Variants in B3GLCT observed in about 807,000 individuals in gnomAD.
The protein encoded by B3GLCT is beta-1,3-glucosyltransferase.
A neutral mutation model predicts 63.4 loss-of-function variants in B3GLCT; 65 were observed. The ratio of observed to expected loss-of-function variants is 1.03; its 90% CI spans 0.84 to 1.26. The LOEUF (loss-of-function observed/expected upper bound fraction) is 1.26. Ranked by LOEUF, B3GLCT falls within the 50% of genes most tolerant of loss-of-function variation. The probability of loss-of-function intolerance (pLI) is 0.00; values close to 1 mark genes in which losing one functional copy is unlikely to be tolerated. For missense variants in B3GLCT, 577 were observed against 604.8 expected (o/e 0.95, Z 0.48); for synonymous variants, 233 against 219.2 (o/e 1.06, Z -0.55).
intron 12 of B3GLCT, among the ~76,000 whole-genome samples, chr13:31,304,505 A>C (rs1235099911): frequency 1.3e-5 from 1 of 76,194 alleles, no homozygotes; most frequent in South Asian, 5.4e-4. Flanking sequence ...AATGGAAAAC[A>C]AAAAAAGGCA....
In B3GLCT at chr13:31,321,820, A is replaced by G. The variant is rs564897522; in HGVS notation, c.1185-1931A>G. On this transcript the variant is annotated intron_variant, in intron 13 of 14. Transcript: ENST00000343307. ...TCCATGAAAGTTTTGGTACTTGGAG[A>G]AAATAAATTGAATGACCATTTTTTT... Among the ~76,000 whole-genome samples, 7 of 125,896 alleles carry G rather than the reference A, an allele frequency of 5.6e-5. 1 individual carries two copies. In the South Asian group the frequency reaches 9.4e-4, roughly 17 times the overall value. The allele number at this position is 125,896 out of a possible 152,430, so 82.6% of individuals were successfully genotyped here.
intron 12 of B3GLCT, among the ~76,000 whole-genome samples, chr13:31,314,023 A>G (rs1356326393): frequency 6.6e-6 from 1 of 152,196 alleles, no homozygotes; most frequent in Non-Finnish European, 1.5e-5. Context: ...GGCAGCTTCC[A>G]TGTGGTGTTG....
intron 13 of B3GLCT, among the ~76,000 whole-genome samples, chr13:31,320,970 G>A (rs1875302726): frequency 6.6e-6 from 1 of 152,174 alleles, no homozygotes; most frequent in Non-Finnish European, 1.5e-5. Context: ...CATTTCTAAT[G>A]TACTTTCATA....
intron 4 of B3GLCT, 72 bp from the exon 5 acceptor site, chr13:31,246,951 C>CTTTTTTTTTTT (rs66466340): frequency 3.5e-4 from 269 of 779,536 alleles, no homozygotes; most frequent in South Asian, 9.6e-4. Context: ...CTTTTCTTTT[C>CTTTTTTTTTTT]TTTTTTTTTT....
rs551586241 is a variant in B3GLCT, at chr13:31,271,712, T to G, written c.660+2435T>G. On this transcript the variant is annotated intron_variant, in intron 8 of 14. Coordinates refer to ENST00000343307, the MANE Select transcript of B3GLCT (RefSeq NM_194318.4). Reference sequence around the variant, plus strand: ...TATTAATGATGCTTTTCAGATATTTTCTTCTTTACTTCATTGCTTCAATCC... The same window carrying G: ...TATTAATGATGCTTTTCAGATATTTGCTTCTTTACTTCATTGCTTCAATCC... 3.9e-5 allele frequency among the ~76,000 whole-genome samples: 6 copies of G among 152,334 alleles called. No individual in the cohort carries two copies. In the South Asian group the frequency reaches 1.2e-3, roughly 32 times the overall value.
intron 1 of B3GLCT, among the ~76,000 whole-genome samples, chr13:31,210,345 A>G (rs1364317038): frequency 2.6e-5 from 4 of 152,352 alleles, no homozygotes; most frequent in Middle Eastern, 6.8e-3. Context: ...ACATTAAAGC[A>G]CTAAGGCCAA....
At chr13:31,295,304 T>C (rs1234042739) in intron 12 of B3GLCT, among the ~76,000 whole-genome samples, 1 of 152,176 alleles carries the variant, frequency 6.6e-6, no homozygotes, top group African/African-American at 2.4e-5. Context: ...AGGGACCCAC[T>C]TGAGGAGGGA....
chr13:31,209,100 T>TA (rs1321019528), intron 1 of B3GLCT, among the ~76,000 whole-genome samples: 1 of 152,148 alleles, frequency 6.6e-6, no homozygotes, highest in Non-Finnish European at 1.5e-5. Flanking sequence ...CGATGCCCCT[T>TA]AAAAAACGTA....
intron 6 of B3GLCT, among the ~76,000 whole-genome samples, chr13:31,248,369 G>A (rs180697233): frequency 4.1e-4 from 62 of 152,262 alleles, no homozygotes; most frequent in East Asian, 1.5e-3. Context: ...TGTGGATGGC[G>A]GAGGCTAGAA....
chr13:31,286,120 C>T (rs1052312120), intron 11 of B3GLCT, among the ~76,000 whole-genome samples: 2 of 152,036 alleles, frequency 1.3e-5, no homozygotes, highest in African/African-American at 4.8e-5. Flanking sequence ...TATTTTTGTC[C>T]AGCATTTACC....
chr13:31,321,420 G>C (rs1875324660), intron 13 of B3GLCT, among the ~76,000 whole-genome samples: 1 of 152,214 alleles, frequency 6.6e-6, no homozygotes, highest in Non-Finnish European at 1.5e-5. Flanking sequence ...ACCATGACTA[G>C]CATTTTAAAT....
chr13:31,274,410 T>C, intron 8 of B3GLCT, 99 bp from the exon 9 acceptor site: 1 of 1,476,242 alleles, frequency 6.8e-7, no homozygotes, highest in Non-Finnish European at 9.4e-7. Flanking sequence ...CTACTCTCTA[T>C]GGAAGATGTG....
chr13:31,331,165 G>A lies in B3GLCT; in HGVS notation c.*1497G>A, dbSNP rs113235215. 6.6e-6 allele frequency: 1 copy of A among 152,288 alleles called. No homozygotes were observed. The highest frequency in any genetic ancestry group is 6.5e-5 in the Admixed American group (1 of 15,298). 9.4% of individuals were successfully genotyped at this position (152,288 alleles called of 1,614,324 possible). On this transcript the variant is annotated 3_prime_UTR_variant, in exon 15 of 15. Coordinates refer to ENST00000343307, the MANE Select transcript of B3GLCT (RefSeq NM_194318.4). ...AGATCGCTTCAAGCCTATACTGATGGCCTTAGCTTTGTTCAGTCATTGTAA... is the reference window on the plus strand; with the variant it reads ...AGATCGCTTCAAGCCTATACTGATGACCTTAGCTTTGTTCAGTCATTGTAA...
chr13:31,232,528 C>G (rs1325505740), intron 4 of B3GLCT, among the ~76,000 whole-genome samples: 1 of 152,158 alleles, frequency 6.6e-6, no homozygotes, highest in East Asian at 1.9e-4. Context: ...GAGAAACTGC[C>G]CCCATGATCC....
At position 31,215,575 on chromosome 13, in the gene B3GLCT, G is replaced by T. The variant is rs181466339; in HGVS notation, c.120+475G>T. ...AATACAGGCATGCGCCACCATGCCCGGCTAATTTTTGCGTTTTTAGTGGAG... is the reference window on the plus strand; with the variant it reads ...AATACAGGCATGCGCCACCATGCCCTGCTAATTTTTGCGTTTTTAGTGGAG... On this transcript the variant is annotated intron_variant, in intron 2 of 14. Transcript: ENST00000343307. Among the ~76,000 whole-genome samples the T allele has an allele frequency of 3.9e-5, 6 of 152,142 alleles. No homozygotes were observed. In the East Asian group the frequency reaches 9.7e-4, roughly 24 times the overall value.
At chr13:31,278,790 A>G (rs1872916590) in intron 10 of B3GLCT, among the ~76,000 whole-genome samples, 2 of 152,198 alleles carry the variant, frequency 1.3e-5, no homozygotes, top group African/African-American at 4.8e-5. Context: ...TCTAACTGCT[A>G]ATATTTCTTA....
At chr13:31,313,042 CTT>C (rs1177695463) in intron 12 of B3GLCT, 1 of 152,230 alleles carries the variant, frequency 6.6e-6, no homozygotes, top group African/African-American at 2.4e-5. Flanking sequence ...CTTGTGAACT[CTT>C]TGAGCACCAA....
At chr13:31,268,027 T>A (rs955381442) in intron 7 of B3GLCT, among the ~76,000 whole-genome samples, 3 of 152,100 alleles carry the variant, frequency 2.0e-5, no homozygotes, top group Non-Finnish European at 2.9e-5. Flanking sequence ...TTAATTTGTT[T>A]TAACTTTTAT....
intron 1 of B3GLCT, among the ~76,000 whole-genome samples, chr13:31,205,296 C>T (rs1192356529): frequency 4.0e-5 from 6 of 150,616 alleles, no homozygotes; most frequent in Admixed American, 4.0e-4. Flanking sequence ...GTGGCTCACA[C>T]CTGTAATTTC....
Sources: gnomAD v4.1 joint callset for allele counts (sites outside exome capture counted in the v4.1 genomes callset) on GRCh38, gnomAD v4.1.1 for gene constraint, MANE v1.5 for transcripts, NCBI Gene and HGNC (gene_info 2026-07-23, HGNC 2026-07-21) for gene names.